Variants in VPS35 observed in about 807,000 individuals in gnomAD.
The protein encoded by VPS35 is vacuolar protein sorting-associated protein 35.
VPS35 carries 21 observed loss-of-function variants against 98.1 expected under a neutral mutation model. The observed-to-expected ratio is 0.21, with a 90% CI of 0.15 to 0.31. VPS35 has a LOEUF of 0.31. Among genes scored for constraint, VPS35 ranks in the 10% least tolerant of loss-of-function variants. The pLI is 1.00. For synonymous variants in VPS35, 268 were observed against 318.2 expected, an observed-to-expected ratio of 0.84 and a Z score of 1.68; for missense variants, 554 against 950.8, an observed-to-expected ratio of 0.58 and a Z score of 5.49.
In VPS35 at chr16:46,659,965, A is replaced by T. The variant is rs1325119002; in HGVS notation, c.*507T>A. On this transcript the variant is annotated 3_prime_UTR_variant, in exon 17 of 17. Transcript: ENST00000299138. Reference sequence around the variant, plus strand: ...ATTCTAGTTTTAGGGAAAATCTTACACATGGCCTTATCTTGCAATTTAGGG... The same window carrying T: ...ATTCTAGTTTTAGGGAAAATCTTACTCATGGCCTTATCTTGCAATTTAGGG... 1.3e-5 allele frequency: 2 copies of T among 153,056 alleles called. No homozygotes were observed. The highest frequency in any genetic ancestry group is 2.9e-5 in the Non-Finnish European group (2 of 68,704). 9.5% of individuals were successfully genotyped at this position (153,056 alleles called of 1,614,324 possible).
At position 46,662,318 on chromosome 16, in the gene VPS35, A is replaced by G. The variant is rs1447690118; in HGVS notation, c.1992T>C (p.Pro664=). The G allele has an allele frequency of 2.5e-6, 4 of 1,614,076 alleles. No individual in the cohort carries two copies. Among genetic ancestry groups the G allele is most frequent in the Non-Finnish European group, 3.4e-6 (4 of 1,180,046 alleles). The change falls in exon 15 of 17, where the codon CCT becomes CCC. Residue 664 remains proline, a synonymous_variant. Transcript: ENST00000299138. ...AGGTGCTCACAGCTCGGCCCTGATC[A>G]GGTTTCTTTAGAAGTTTGGATGCAG... ...ALAASKLLKK[P]DQGRAVSTCA... is the part of the protein sequence containing the mutation.
intron 7 of VPS35, among the ~76,000 whole-genome samples, chr16:46,676,943 G>T (rs1192912932): frequency 6.6e-6 from 1 of 151,328 alleles, no homozygotes. Flanking sequence ...CATTTTGGAG[G>T]AAAACAAACC....
At chr16:46,676,741 T>C (rs529995457) in intron 7 of VPS35, 49 bp from the exon 8 acceptor site, 1 of 1,306,330 alleles carries the variant, frequency 7.7e-7, no homozygotes, top group East Asian at 2.3e-5. Context: ...CGTAATATTC[T>C]GGACTCACAT....
At chr16:46,675,332 A>G (rs1259673697) in intron 8 of VPS35, among the ~76,000 whole-genome samples, 2 of 152,234 alleles carry the variant, frequency 1.3e-5, no homozygotes, top group Non-Finnish European at 2.9e-5. Flanking sequence ...CATTTTTACT[A>G]AAGCTTGAAA....
In VPS35 at chr16:46,659,781, A is replaced by G. The variant is rs1213453604; in HGVS notation, c.*691T>C. 6.6e-6 allele frequency: 1 copy of G among 152,200 alleles called. No homozygotes were observed. Among genetic ancestry groups the G allele is most frequent in the African/African-American group, 2.4e-5 (1 of 41,454 alleles). 9.4% of individuals were successfully genotyped at this position (152,200 alleles called of 1,614,324 possible). ...TGAAGGTGATACATAAATTATATAG[A>G]TCACAAGTTTTCTTTTATACTATTT... On this transcript the variant is annotated 3_prime_UTR_variant, in exon 17 of 17. Transcript: ENST00000299138.
rs535545021 is a variant in VPS35, at chr16:46,688,925, C to G, written c.3+206G>C. Reference sequence around the variant, plus strand: ...CCCCGTCTCTCAGCAACGGCCGCAGCCAAGAGCCGCCGCCCACCCCGGCCC... The same window carrying G: ...CCCCGTCTCTCAGCAACGGCCGCAGGCAAGAGCCGCCGCCCACCCCGGCCC... On this transcript the variant is annotated intron_variant, in intron 1 of 16. Transcript: ENST00000299138. The G allele has an allele frequency of 5.7e-4, 842 of 1,468,470 alleles. 10 individuals carry two copies. The East Asian group carries it at 0.02, about 35-fold the overall frequency. The allele number at this position is 1,468,470 out of a possible 1,614,324, so 91.0% of individuals were successfully genotyped here.
At position 46,674,402 on chromosome 16, in the gene VPS35, C is replaced by T; in HGVS notation, c.1072G>A (p.Ala358Thr). The change falls in exon 10 of 17, where the codon GCC becomes ACC. Residue 358 changes from alanine (A) to threonine (T), a missense_variant. Physicochemically the swap from Ala to Thr is moderately conservative, Grantham distance 58. Around this residue, in one of 5 missense-constraint regions of VPS35, gnomAD observed 254 missense variants for 390.1 expected, o/e 0.65. Transcript: ENST00000299138. ...VSLQVSLINL[A>T]MKCYPDRVDY... is the part of the protein sequence containing the mutation. ...ACACGATCAGGGTAACATTTCATGG[C>T]AAGATTAATCAGAGAGACTTGTAAA... 6.2e-7 allele frequency: 1 copy of T among 1,613,722 alleles called. No individual in the cohort carries two copies.
chr16:46,681,953 T>G, intron 3 of VPS35, 126 bp downstream of exon 3: 1 of 712,436 alleles, frequency 1.4e-6, no homozygotes. Flanking sequence ...GGAGAAGGAG[T>G]GCCATGTGAC....
chr16:46,682,052 G>A, intron 3 of VPS35, 27 bp downstream of exon 3: 1 of 1,560,672 alleles, frequency 6.4e-7, no homozygotes, highest in Non-Finnish European at 8.8e-7. Context: ...TGGTCCAAAT[G>A]TTTAGTCTTC....
chr16:46,679,274 C>A, intron 5 of VPS35, 118 bp from the exon 6 acceptor site: 2 of 955,558 alleles, frequency 2.1e-6, no homozygotes, highest in Non-Finnish European at 3.2e-6. Flanking sequence ...TAAAAAATCA[C>A]TTTCAACTTC....
chr16:46,685,973 A>G (rs1226964585), intron 1 of VPS35, among the ~76,000 whole-genome samples: 1 of 152,194 alleles, frequency 6.6e-6, no homozygotes, highest in Non-Finnish European at 1.5e-5. Flanking sequence ...GTACATTCAC[A>G]TTAATACAAT....
chr16:46,677,425 G>T lies in VPS35; in HGVS notation c.721-27C>A, dbSNP rs747284049. 2.5e-6 allele frequency: 4 copies of T among 1,577,986 alleles called. No individual in the cohort carries two copies. The South Asian group carries it at 4.4e-5, about 17-fold the overall frequency. On this transcript the variant is annotated intron_variant, in intron 6 of 16. Transcript: ENST00000299138. Reference sequence around the variant, plus strand: ...TAAAAGAGAAAAAACACACATAAGGGTTAAAATCTGTTTTCAAAATCTTAA... The same window carrying T: ...TAAAAGAGAAAAAACACACATAAGGTTTAAAATCTGTTTTCAAAATCTTAA...
intron 13 of VPS35, among the ~76,000 whole-genome samples, chr16:46,666,240 T>C (rs1187666117): frequency 2.0e-5 from 3 of 151,686 alleles, no homozygotes; most frequent in South Asian, 2.1e-4. Flanking sequence ...ACTATAGGCA[T>C]GTACCACCAC....
At chr16:46,682,668 T>C (rs1966251856) in intron 2 of VPS35, 1 of 158,332 alleles carries the variant, frequency 6.3e-6, no homozygotes, top group Non-Finnish European at 1.4e-5. Context: ...AAGCAATTCC[T>C]TGAGATAGAG....
intron 3 of VPS35, 36 bp from the exon 4 acceptor site, chr16:46,681,536 A>G: frequency 6.2e-7 from 1 of 1,609,678 alleles, no homozygotes. Flanking sequence ...AATAAAAATA[A>G]GCCAACCTAA....
chr16:46,676,050 A>C (rs1966144574), intron 8 of VPS35, among the ~76,000 whole-genome samples: 2 of 111,564 alleles, frequency 1.8e-5, no homozygotes, highest in Non-Finnish European at 3.4e-5. Context: ...GGGTGACAAG[A>C]GTGAGGATCT....
Position 46,658,435 on chromosome 16 carries a change from T to C in VPS35, c.*2037A>G, listed in dbSNP as rs548431200. The C allele has an allele frequency of 7.8e-5, 12 of 153,904 alleles. No individual in the cohort carries two copies. The highest frequency in any genetic ancestry group is 1.2e-4 in the African/African-American group (5 of 41,576). The allele number at this position is 153,904 out of a possible 1,614,324, so 9.5% of individuals were successfully genotyped here. A position where few individuals can be genotyped will look rare whatever the true frequency, so the allele number is the denominator to read the frequency against. ...TTGTTCAACAAAAAAAATCTGTAAGTTAAGGATACTAGCAGTGCTTTTGTT... is the reference window on the plus strand; with the variant it reads ...TTGTTCAACAAAAAAAATCTGTAAGCTAAGGATACTAGCAGTGCTTTTGTT... On this transcript the variant is annotated 3_prime_UTR_variant, in exon 17 of 17. Coordinates refer to ENST00000299138, the MANE Select transcript of VPS35 (RefSeq NM_018206.6).
chr16:46,674,288 T>G, intron 10 of VPS35, 26 bp downstream of exon 10: 3 of 1,613,070 alleles, frequency 1.9e-6, no homozygotes, highest in Non-Finnish European at 2.5e-6. Context: ...TCTTTGAGGA[T>G]TTTTACAAAA....
intron 1 of VPS35, 175 bp downstream of exon 1, chr16:46,688,956 A>T: frequency 6.7e-7 from 1 of 1,500,178 alleles, no homozygotes; most frequent in Non-Finnish European, 8.9e-7. Context: ...GGCCCGGATC[A>T]GCCTGCCCGC....
Sources: allele counts gnomAD v4.1 joint callset (sites outside exome capture counted in the v4.1 genomes callset), GRCh38; gene constraint gnomAD v4.1.1; regional missense constraint gnomAD v4.1.1; transcripts MANE v1.5; gene names NCBI Gene and HGNC (gene_info 2026-07-23, HGNC 2026-07-21).